Variants in DDX60 observed in about 807,000 individuals in gnomAD.
DDX60 encodes the protein probable ATP-dependent RNA helicase DDX60.
Under a neutral mutation model 212.8 loss-of-function variants are expected in DDX60, and 165 were observed. That is an observed-to-expected ratio of 0.78 (90% CI 0.68 to 0.88). The LOEUF (loss-of-function observed/expected upper bound fraction) is 0.88. Ranked by LOEUF, DDX60 falls within the 40% of genes least tolerant of loss-of-function variation. The probability of loss-of-function intolerance (pLI) is 0.00; values close to 1 mark genes in which losing one functional copy is unlikely to be tolerated. For synonymous variants in DDX60, 703 were observed against 685.3 expected (o/e 1.03, Z -0.40); for missense variants, 1,905 against 2,003.9 (o/e 0.95, Z 0.94).
chr4:168,256,351 T>G (rs1734413211), intron 25 of DDX60, among the ~76,000 whole-genome samples: 1 of 152,160 alleles, frequency 6.6e-6, no homozygotes, highest in Non-Finnish European at 1.5e-5. Flanking sequence ...CTATGATTCT[T>G]TCCCAAAGAA....
intron 22 of DDX60, among the ~76,000 whole-genome samples, chr4:168,266,373 G>A (rs372436845): frequency 6.6e-6 from 1 of 152,102 alleles, no homozygotes; most frequent in African/African-American, 2.4e-5. Flanking sequence ...GGAAATGAAG[G>A]ACACAAAATT....
chr4:168,285,848 A>G (rs1020946328), intron 10 of DDX60, among the ~76,000 whole-genome samples: 1 of 149,224 alleles, frequency 6.7e-6, no homozygotes, highest in Non-Finnish European at 1.5e-5. Flanking sequence ...TGACAGATGG[A>G]TAAATCAGAT....
intron 33 of DDX60, 171 bp downstream of exon 33, chr4:168,236,081 G>A (rs900278650): frequency 3.5e-5 from 18 of 514,240 alleles, no homozygotes; most frequent in Non-Finnish European, 5.5e-5. Context: ...ATTTACAGAG[G>A]GAGACATCAA....
chr4:168,268,978 C>CAAA lies in DDX60; in HGVS notation c.2671-12_2671-10dup. ...CCACCAAGACAATGAACCTATTAAA[C>CAAA]AAAAAAAAAAAAATCTCAACTGAAA... On this transcript the variant is annotated splice_polypyrimidine_tract_variant and intron_variant, in intron 19 of 37. Transcript: ENST00000393743. 10 of 1,141,694 alleles carry CAAA rather than the reference C, an allele frequency of 8.8e-6. No homozygotes were observed. Among genetic ancestry groups the CAAA allele is most frequent in the Non-Finnish European group, 9.7e-6 (8 of 827,954 alleles). The allele number at this position is 1,141,694 out of a possible 1,614,324, so 70.7% of individuals were successfully genotyped here. A position where few individuals can be genotyped will look rare whatever the true frequency, so the allele number is the denominator to read the frequency against.
At chr4:168,268,714 T>C (rs1045430620) in intron 20 of DDX60, 140 bp downstream of exon 20, 2 of 489,210 alleles carry the variant, frequency 4.1e-6, no homozygotes, top group Non-Finnish European at 7.1e-6. Flanking sequence ...TGTAGAGAGA[T>C]GCAGTTTCTT....
rs200244365 is a variant in DDX60 at position 168,272,030 on chromosome 4, A to T, written c.2670+13T>A. 2 of 1,562,286 alleles carry T rather than the reference A, an allele frequency of 1.3e-6. No homozygotes were observed. The highest frequency in any genetic ancestry group is 2.7e-5 in the African/African-American group (2 of 73,754). On this transcript the variant is annotated intron_variant, in intron 19 of 37. Transcript: ENST00000393743. Reference sequence around the variant, plus strand: ...CACTAGGGAATTAAGCAAAGAAAGAACACCAAACCTACCTCATCAAATATA... The same window carrying T: ...CACTAGGGAATTAAGCAAAGAAAGATCACCAAACCTACCTCATCAAATATA...
chr4:168,317,788 CTTG>C (rs910452421), intron 1 of DDX60, among the ~76,000 whole-genome samples: 16 of 152,282 alleles, frequency 1.1e-4, no homozygotes, highest in African/African-American at 3.6e-4. Context: ...TATAAGCCAC[CTTG>C]TTGTGAGAAG....
intron 33 of DDX60, among the ~76,000 whole-genome samples, chr4:168,227,524 TG>T (rs1420284619): frequency 1.3e-5 from 2 of 152,110 alleles, no homozygotes; most frequent in African/African-American, 4.8e-5. Context: ...GAGGCTTTGT[TG>T]ATTTCTTGTT....
intron 33 of DDX60, among the ~76,000 whole-genome samples, chr4:168,228,018 G>A (rs991430591): frequency 6.6e-6 from 1 of 152,030 alleles, no homozygotes. Context: ...AAGAAATGTG[G>A]CATTAGGTGA....
chr4:168,290,164 A>G (rs1200846917), intron 8 of DDX60, among the ~76,000 whole-genome samples: 2 of 152,016 alleles, frequency 1.3e-5, no homozygotes, highest in African/African-American at 4.8e-5. Context: ...GCTGTGATAG[A>G]TGTATCTCAG....
intron 6 of DDX60, among the ~76,000 whole-genome samples, chr4:168,297,618 C>T (rs146582805): frequency 6.6e-6 from 1 of 152,182 alleles, no homozygotes; most frequent in African/African-American, 2.4e-5. Context: ...TATCATTGCA[C>T]ATCTTATCAA....
At chr4:168,228,805 T>C (rs969597506) in intron 33 of DDX60, among the ~76,000 whole-genome samples, 3 of 152,116 alleles carry the variant, frequency 2.0e-5, no homozygotes, top group Non-Finnish European at 4.4e-5. Flanking sequence ...TCTATGTACC[T>C]AAAGTATATA....
intron 6 of DDX60, 28 bp from the exon 7 acceptor site, chr4:168,293,973 C>A: frequency 6.3e-7 from 1 of 1,588,622 alleles, no homozygotes; most frequent in Non-Finnish European, 8.5e-7. Context: ...TGTAATGTGT[C>A]ATGCTATTTA....
intron 13 of DDX60, among the ~76,000 whole-genome samples, chr4:168,283,191 C>G (rs1040642442): frequency 2.0e-5 from 3 of 152,068 alleles, no homozygotes; most frequent in Admixed American, 6.5e-5. Flanking sequence ...TTTCTAAACT[C>G]AAAACTTTAG....
chr4:168,261,883 T>C, intron 24 of DDX60, 117 bp downstream of exon 24: 1 of 1,227,258 alleles, frequency 8.1e-7, no homozygotes, highest in Non-Finnish European at 1.1e-6. Flanking sequence ...AAGTTCAACT[T>C]AAATTTCTAA....
At chr4:168,293,431 T>C (rs1204911122) in intron 7 of DDX60, among the ~76,000 whole-genome samples, 1 of 152,216 alleles carries the variant, frequency 6.6e-6, no homozygotes, top group Non-Finnish European at 1.5e-5. Flanking sequence ...GGAATACTAA[T>C]GCCTTTCTCA....
intron 36 of DDX60, 28 bp downstream of exon 36, chr4:168,221,702 G>A: frequency 1.3e-6 from 2 of 1,572,154 alleles, no homozygotes; most frequent in Non-Finnish European, 8.7e-7. Flanking sequence ...GGAGGACAGA[G>A]AAACAGAGAC....
intron 22 of DDX60, among the ~76,000 whole-genome samples, chr4:168,263,954 A>C (rs2149513208): frequency 6.6e-6 from 1 of 152,338 alleles, no homozygotes; most frequent in African/African-American, 2.4e-5. Context: ...AACCTCAAAG[A>C]AGTAAATATA....
chr4:168,224,930 C>A (rs1733196273), intron 34 of DDX60, among the ~76,000 whole-genome samples: 2 of 151,836 alleles, frequency 1.3e-5, no homozygotes, highest in African/African-American at 4.8e-5. Flanking sequence ...ATCTATTTTC[C>A]CTTAGAAAGC....
Sources: gnomAD v4.1 joint callset for allele counts (sites outside exome capture counted in the v4.1 genomes callset) on GRCh38, gnomAD v4.1.1 for gene constraint, MANE v1.5 for transcripts, NCBI Gene and HGNC (gene_info 2026-07-23, HGNC 2026-07-21) for gene names.